The following KANSL1 variants were observed in gnomAD, a reference collection of about 807,000 sequenced individuals.
KANSL1 encodes the protein KAT8 regulatory NSL complex subunit 1.
A neutral mutation model predicts 103.6 loss-of-function variants in KANSL1; 22 were observed. The observed-to-expected ratio is 0.21, with a 90% CI of 0.15 to 0.30. The LOEUF (loss-of-function observed/expected upper bound fraction) is 0.30, where lower values mean the gene tolerates loss of function less well. KANSL1 is among the 10% of genes least tolerant of loss of function. The probability of loss-of-function intolerance (pLI) is 1.00; values close to 1 mark genes in which losing one functional copy is unlikely to be tolerated. For missense variants in KANSL1, 1,337 were observed against 1,399.8 expected, an observed-to-expected ratio of 0.96 and a Z score of 0.72; for synonymous variants, 600 against 527.6, an observed-to-expected ratio of 1.14 and a Z score of -1.88.
At chr17:46,048,878 A>G (rs1196728548) in intron 7 of KANSL1, among the ~76,000 whole-genome samples, 1 of 149,982 alleles carries the variant, frequency 6.7e-6, no homozygotes. Context: ...TCATTAATTG[A>G]AAAAAAAAAC....
chr17:46,050,242 T>C (rs2077665057), intron 7 of KANSL1: 2 of 418,058 alleles, frequency 4.8e-6, no homozygotes, highest in East Asian at 4.1e-5. Context: ...AAAGATATAC[T>C]AAGCGTATTT....
At chr17:46,176,466 G>GT (rs1482212429) in intron 1 of KANSL1, among the ~76,000 whole-genome samples, 1 of 152,208 alleles carries the variant, frequency 6.6e-6, no homozygotes, top group Non-Finnish European at 1.5e-5. Flanking sequence ...CGAGGCAGGC[G>GT]TATCACCTGA....
At chr17:46,060,653 T>C (rs1051337699) in intron 6 of KANSL1, among the ~76,000 whole-genome samples, 2 of 152,244 alleles carry the variant, frequency 1.3e-5, no homozygotes, top group African/African-American at 4.8e-5. Flanking sequence ...TATCAAATTA[T>C]TAACTTTTAA....
At position 46,169,192 on chromosome 17, in the gene KANSL1, G is replaced by A. The variant is rs571931630; in HGVS notation, c.1289+1663C>T. 1.6e-4 allele frequency among the ~76,000 whole-genome samples: 25 copies of A among 152,268 alleles called. No individual in the cohort carries two copies. In the South Asian group the frequency reaches 5.2e-3, roughly 32 times the overall value. ...GGTGATTTAAACAGCAAAGTTAGTGGGGATAATGCCATGAATATTAGCAAG... is the reference window on the plus strand; with the variant it reads ...GGTGATTTAAACAGCAAAGTTAGTGAGGATAATGCCATGAATATTAGCAAG... On this transcript the variant is annotated intron_variant, in intron 2 of 14. Transcript: ENST00000432791.
At chr17:46,160,343 G>A (rs527249511) in intron 2 of KANSL1, among the ~76,000 whole-genome samples, 2 of 152,070 alleles carry the variant, frequency 1.3e-5, no homozygotes, top group African/African-American at 2.4e-5. Flanking sequence ...TGCTGCTCAC[G>A]CTGGAGTGCG....
At chr17:46,190,558 A>C (rs1479948216) in intron 1 of KANSL1, among the ~76,000 whole-genome samples, 2 of 152,250 alleles carry the variant, frequency 1.3e-5, no homozygotes, top group Non-Finnish European at 2.9e-5. Context: ...AATAATTCTT[A>C]ACTGATCATT....
chr17:46,164,151 A>T (rs2045883976), intron 2 of KANSL1, among the ~76,000 whole-genome samples: 1 of 152,266 alleles, frequency 6.6e-6, no homozygotes. Context: ...TTACTCCATA[A>T]GTACTTATTA....
chr17:46,064,954 C>A (rs148072301), intron 6 of KANSL1, among the ~76,000 whole-genome samples: 5 of 151,526 alleles, frequency 3.3e-5, no homozygotes, highest in Admixed American at 3.3e-4. Flanking sequence ...CATATGTATA[C>A]GTGTGTTTTT....
At chr17:46,134,456 C>T (rs1344427452) in intron 2 of KANSL1, among the ~76,000 whole-genome samples, 1 of 152,094 alleles carries the variant, frequency 6.6e-6, no homozygotes, top group East Asian at 1.9e-4. Context: ...ATTTACAAGA[C>T]TAACAATCAG....
chr17:46,206,532 C>A (rs1157239706), intron 1 of KANSL1, among the ~76,000 whole-genome samples: 1 of 152,170 alleles, frequency 6.6e-6, no homozygotes, highest in African/African-American at 2.4e-5. Flanking sequence ...TTGAGACTAG[C>A]CAGGGCAACA....
rs529057779 is a variant in KANSL1, at chr17:46,055,202, G to A, written c.1849-4498C>T. 1.6e-4 allele frequency among the ~76,000 whole-genome samples: 25 copies of A among 151,762 alleles called. No homozygotes were observed. In the East Asian group the frequency reaches 4.4e-3, roughly 27 times the overall value. The stretch of plus-strand genomic sequence containing the variant: ...TGAAAGGCCAGGCGCGGTGGCTCAC[G>A]CCTGTATTCCCAGCACTTTGGGAAG... On this transcript the variant is annotated intron_variant, in intron 6 of 14. Coordinates refer to ENST00000432791, the MANE Select transcript of KANSL1 (RefSeq NM_015443.4).
chr17:46,218,791 A>AC lies in KANSL1; in HGVS notation c.-90+4879_-90+4880insG, dbSNP rs1461960499. ...CAGCAAGACTCCATCTCAAAAAAAAAAAAAATTAGTAATTACAATAAGAAC... is the reference window on the plus strand; with the variant it reads ...CAGCAAGACTCCATCTCAAAAAAAAACAAAAATTAGTAATTACAATAAGAAC... On this transcript the variant is annotated intron_variant, in intron 1 of 14. Transcript: ENST00000572904. 4.6e-5 allele frequency among the ~76,000 whole-genome samples: 7 copies of AC among 152,288 alleles called. No homozygotes were observed. The East Asian group carries it at 1.3e-3, about 29-fold the overall frequency.
At chr17:46,165,586 C>A (rs182800335) in intron 2 of KANSL1, among the ~76,000 whole-genome samples, 2 of 151,978 alleles carry the variant, frequency 1.3e-5, no homozygotes, top group African/African-American at 4.8e-5. Flanking sequence ...TTTCAGCTCA[C>A]TGCAACTCCT....
At chr17:46,211,028 T>C (rs1201305762) in intron 1 of KANSL1, among the ~76,000 whole-genome samples, 1 of 152,034 alleles carries the variant, frequency 6.6e-6, no homozygotes, top group Non-Finnish European at 1.5e-5. Flanking sequence ...GGATTACCTC[T>C]AAGAGCCCAC....
At position 46,161,250 on chromosome 17, in the gene KANSL1, TAAAAAAAAAAAAA is replaced by T. The variant is rs534754110; in HGVS notation, c.1289+9592_1289+9604del. Among the ~76,000 whole-genome samples, 565 of 79,392 alleles carry T rather than the reference TAAAAAAAAAAAAA, an allele frequency of 7.1e-3. 4 individuals are homozygous for T. The highest frequency in any genetic ancestry group is 0.046 in the Middle Eastern group (7 of 152). The allele number at this position is 79,392 out of a possible 152,430, so 52.1% of individuals were successfully genotyped here. On this transcript the variant is annotated intron_variant, in intron 2 of 14. Transcript: ENST00000432791. Reference sequence around the variant, plus strand: ...TAACATGATGAAACCCCACCTCTACTAAAAAAAAAAAAAAAAAAAAAAAAAAATACAAAAAATT... The same window carrying T: ...TAACATGATGAAACCCCACCTCTACTAAAAAAAAAAAAAATACAAAAAATT...
intron 1 of KANSL1, among the ~76,000 whole-genome samples, 171 bp from the exon 2 acceptor site, chr17:46,172,403 G>A (rs998086202): frequency 3.3e-5 from 5 of 152,196 alleles, no homozygotes; most frequent in Admixed American, 3.3e-4. Context: ...TTTCATCTGG[G>A]AGAAAGGGGG....
chr17:46,196,844 C>T (rs2047626606), upstream of KANSL1: 7 of 185,548 alleles, frequency 3.8e-5, no homozygotes, highest in South Asian at 6.3e-4. Flanking sequence ...TGGTGGCTCA[C>T]ACCTATAATC....
chr17:46,111,501 T>TGCCCAACCGAAAGA (rs1366356620), intron 2 of KANSL1, among the ~76,000 whole-genome samples: 57 of 152,316 alleles, frequency 3.7e-4, no homozygotes, highest in African/African-American at 1.1e-3. Context: ...TGATCCACCG[T>TGCCCAACCGAAAGA]GCCCAACCGA....
rs9894844 is a variant in KANSL1, at chr17:46,097,950, C to T, written c.1290-3249G>A. On this transcript the variant is annotated intron_variant, in intron 2 of 14. Transcript: ENST00000432791. Reference sequence around the variant, plus strand: ...ATGGACCAAACATAAACCATTCAAACCAACCACTGTGATAATTATCAATTA... The same window carrying T: ...ATGGACCAAACATAAACCATTCAAATCAACCACTGTGATAATTATCAATTA... 6.0e-5 allele frequency among the ~76,000 whole-genome samples: 9 copies of T among 149,730 alleles called. 2 individuals carry two copies. Among genetic ancestry groups the T allele is most frequent in the South Asian group, 2.1e-4 (1 of 4,826 alleles).
Sources: allele counts gnomAD v4.1 joint callset (sites outside exome capture counted in the v4.1 genomes callset), GRCh38; gene constraint gnomAD v4.1.1; transcripts MANE v1.5; gene names NCBI Gene and HGNC (gene_info 2026-07-23, HGNC 2026-07-21).